The following SLC24A2 variants were observed in gnomAD, a reference collection of about 807,000 sequenced individuals.
The protein encoded by SLC24A2 is solute carrier family 24 member 2.
In SLC24A2, 36 loss-of-function variants were observed where a neutral mutation model predicts 62.0. The ratio of observed to expected loss-of-function variants is 0.58; its 90% CI spans 0.44 to 0.77. The LOEUF is 0.77. Ranked by LOEUF, SLC24A2 falls within the 30% of genes least tolerant of loss-of-function variation. The pLI is 0.00. For synonymous variants in SLC24A2, 358 were observed against 294.0 expected (o/e 1.22, Z -2.23); for missense variants, 846 against 817.9 (o/e 1.03, Z -0.42).
At chr9:20,020,294 C>T in the SLC24A2 span, among the ~76,000 whole-genome samples, 2 of 152,156 alleles carry the variant, frequency 1.3e-5, no homozygotes, top group African/African-American at 4.8e-5. Flanking sequence ...CAGCACTGTT[C>T]ACAATAGCAA....
chr9:19,892,518 T>G, the SLC24A2 span, among the ~76,000 whole-genome samples: 1 of 152,182 alleles, frequency 6.6e-6, no homozygotes, highest in African/African-American at 2.4e-5. Context: ...GCCTGCCTGA[T>G]TCAACCAACA....
the SLC24A2 span, among the ~76,000 whole-genome samples, chr9:20,096,283 T>G: frequency 6.6e-6 from 1 of 152,182 alleles, no homozygotes; most frequent in Non-Finnish European, 1.5e-5. Context: ...GAGTCTCTTT[T>G]TATTTACTTT....
the SLC24A2 span, among the ~76,000 whole-genome samples, chr9:20,108,147 G>A: frequency 6.6e-6 from 1 of 152,184 alleles, no homozygotes; most frequent in Non-Finnish European, 1.5e-5. Context: ...ACCACAATGA[G>A]ATACCATCTC....
At chr9:19,790,819 G>C (rs1433061637), upstream of SLC24A2, among the ~76,000 whole-genome samples, 12 of 152,126 alleles carry the variant, frequency 7.9e-5, 1 homozygote, top group Admixed American at 7.9e-4. Flanking sequence ...GAGGCAATAG[G>C]TGCCTCTGGC....
the SLC24A2 span, among the ~76,000 whole-genome samples, chr9:19,952,557 C>T: frequency 6.6e-6 from 1 of 151,668 alleles, no homozygotes. Context: ...TGCCTAATGG[C>T]TTTTTTATAT....
At chr9:20,274,217 C>T in the SLC24A2 span, among the ~76,000 whole-genome samples, 32 of 152,170 alleles carry the variant, frequency 2.1e-4, 1 homozygote, top group South Asian at 6.7e-3. Context: ...GTTGTGGCTT[C>T]AAGGACTATG....
the SLC24A2 span, among the ~76,000 whole-genome samples, chr9:19,914,408 A>G: frequency 6.6e-6 from 1 of 152,116 alleles, no homozygotes. Flanking sequence ...GATCTGGTCC[A>G]AATTCCTCTC....
chr9:19,611,234 C>A (rs925862391), intron 4 of SLC24A2, among the ~76,000 whole-genome samples: 1 of 151,002 alleles, frequency 6.6e-6, no homozygotes, highest in Non-Finnish European at 1.5e-5. Context: ...GAAGGAGCTG[C>A]TAGGCAGTCA....
At chr9:19,991,709 G>T in the SLC24A2 span, among the ~76,000 whole-genome samples, 2 of 152,282 alleles carry the variant, frequency 1.3e-5, no homozygotes, top group South Asian at 4.1e-4. Context: ...TTCACTCATT[G>T]TATGGGCAAT....
chr9:19,613,664 C>A (rs1817688977), intron 4 of SLC24A2, among the ~76,000 whole-genome samples: 1 of 152,052 alleles, frequency 6.6e-6, no homozygotes, highest in African/African-American at 2.4e-5. Flanking sequence ...ATAATAATAT[C>A]AATAACAATA....
At chr9:19,995,547 T>A in the SLC24A2 span, among the ~76,000 whole-genome samples, 1 of 152,230 alleles carries the variant, frequency 6.6e-6, no homozygotes, top group South Asian at 2.1e-4. Context: ...GCCAACTCCC[T>A]CCTACTAGCA....
intron 2 of SLC24A2, among the ~76,000 whole-genome samples, chr9:19,738,948 C>T (rs1260172141): frequency 6.6e-6 from 1 of 152,076 alleles, no homozygotes; most frequent in East Asian, 1.9e-4. Context: ...GAAATCCCAC[C>T]TCTACTAATA....
the SLC24A2 span, among the ~76,000 whole-genome samples, chr9:20,130,000 G>C: frequency 7.3e-5 from 11 of 149,896 alleles, no homozygotes; most frequent in African/African-American, 2.4e-4. Flanking sequence ...GTTTTGGCCT[G>C]CAATTCTATT....
the SLC24A2 span, among the ~76,000 whole-genome samples, chr9:20,017,183 T>C: frequency 1.3e-5 from 2 of 151,996 alleles, no homozygotes; most frequent in African/African-American, 4.8e-5. Context: ...CCACCACTCC[T>C]AGCTAATTTT....
the SLC24A2 span, among the ~76,000 whole-genome samples, chr9:20,105,479 A>T: frequency 1.9e-4 from 29 of 151,866 alleles, no homozygotes; most frequent in African/African-American, 5.6e-4. Context: ...GTAAAAGAAC[A>T]GAAATTATAA....
chr9:19,790,215 G>A (rs1006833495), upstream of SLC24A2, among the ~76,000 whole-genome samples: 1 of 152,082 alleles, frequency 6.6e-6, no homozygotes, highest in African/African-American at 2.4e-5. Context: ...CAGACTATAG[G>A]TGCCTGACTG....
At chr9:20,193,202 C>A in the SLC24A2 span, among the ~76,000 whole-genome samples, 5 of 152,080 alleles carry the variant, frequency 3.3e-5, no homozygotes, top group South Asian at 2.1e-4. Flanking sequence ...GATGCATATA[C>A]CAATTAAGGT....
chr9:19,743,020 C>T (rs1463210019), intron 2 of SLC24A2, among the ~76,000 whole-genome samples: 2 of 152,094 alleles, frequency 1.3e-5, no homozygotes, highest in Non-Finnish European at 1.5e-5. Context: ...GTTACTGTTT[C>T]GATGACGGGC....
intron 5 of SLC24A2, among the ~76,000 whole-genome samples, chr9:19,592,290 G>A (rs956483657): frequency 6.6e-6 from 1 of 152,096 alleles, no homozygotes; most frequent in Non-Finnish European, 1.5e-5. Flanking sequence ...TTTTGCCCTT[G>A]ATATCACAAC....
Sources: allele counts gnomAD v4.1 joint callset (sites outside exome capture counted in the v4.1 genomes callset), GRCh38; gene constraint gnomAD v4.1.1; transcripts MANE v1.5; gene names NCBI Gene and HGNC (gene_info 2026-07-23, HGNC 2026-07-21).